Variants in TBRG4 observed in about 807,000 individuals in gnomAD.
TBRG4 encodes the protein FAST kinase domain-containing protein 4.
TBRG4 carries 43 observed loss-of-function variants against 65.6 expected under a neutral mutation model. The ratio of observed to expected loss-of-function variants is 0.66; its 90% CI spans 0.51 to 0.85. The LOEUF is 0.85. Among genes scored for constraint, TBRG4 ranks in the 40% least tolerant of loss-of-function variants. The pLI, the probability that TBRG4 is intolerant of heterozygous loss-of-function variation, is 0.00. For synonymous variants in TBRG4, 366 were observed against 341.4 expected, an observed-to-expected ratio of 1.07 and a Z score of -0.79; for missense variants, 709 against 787.9, an observed-to-expected ratio of 0.90 and a Z score of 1.20.
At chr7:45,106,224 A>AT in intron 2 of TBRG4, 2 of 353,230 alleles carry the variant, frequency 5.7e-6, no homozygotes, top group South Asian at 4.4e-5. Flanking sequence ...GTCATTTGCA[A>AT]TTGCTTGCAA....
At chr7:45,103,238 T>C in intron 6 of TBRG4, 95 bp downstream of exon 6, 1 of 952,872 alleles carries the variant, frequency 1.0e-6, no homozygotes, top group Non-Finnish European at 1.6e-6. Flanking sequence ...CCCTCCCGCC[T>C]CCACCTAGCC....
At chr7:45,101,398 A>G (rs774463164) in intron 9 of TBRG4, 26 bp from the exon 10 acceptor site, 15 of 1,611,908 alleles carry the variant, frequency 9.3e-6, no homozygotes, top group African/African-American at 8.0e-5. Flanking sequence ...GGTGGCTGAC[A>G]TGCTTCCACT....
intron 10 of TBRG4, among the ~76,000 whole-genome samples, chr7:45,100,978 C>T (rs1472595235): frequency 6.6e-6 from 1 of 152,254 alleles, no homozygotes; most frequent in African/African-American, 2.4e-5. Context: ...TCAAGCTGCT[C>T]ATCTGTGAAT....
At position 45,103,412 on chromosome 7, in the gene TBRG4, A is replaced by G. The variant is rs150894684; in HGVS notation, c.1097T>C (p.Leu366Pro). Residue 366 changes from leucine to proline, a missense_variant, in exon 6 of 11, where the codon CTG (leucine) becomes CCG (proline). Transcript: ENST00000258770. ...CAGAAGTACGCTGCACAGGTGGGGC[A>G]GGGTGATGTCCTGCGCTCTGTTCAG... ...HVLNRAQDIT[L>P]PHLCSVLLAF... 4.0e-4 allele frequency: 650 copies of G among 1,613,978 alleles called. No homozygotes were observed. The highest frequency in any genetic ancestry group is 4.9e-4 in the Non-Finnish European group (584 of 1,179,930).
At chr7:45,105,371 T>C in intron 3 of TBRG4, 70 bp downstream of exon 3, 1 of 1,503,478 alleles carries the variant, frequency 6.7e-7, no homozygotes, top group Non-Finnish European at 8.9e-7. Flanking sequence ...TGCAGACAAC[T>C]GTCACCCAAA....
At chr7:45,100,482 T>C (rs1412939635) in intron 10 of TBRG4, 56 bp from the exon 11 acceptor site, 100 of 1,419,632 alleles carry the variant, frequency 7.0e-5, no homozygotes, top group Non-Finnish European at 9.8e-5. Context: ...TTCCAGCCAG[T>C]GGCTCTGCCT....
chr7:45,105,249 A>G, intron 3 of TBRG4, 192 bp downstream of exon 3: 2 of 648,440 alleles, frequency 3.1e-6, no homozygotes, highest in Non-Finnish European at 5.3e-6. Context: ...ATGCAGCCAC[A>G]GGGCAACCAC....
rs1199077984 is a variant in TBRG4 at position 45,105,422 on chromosome 7, C to T, written c.735+19G>A. On this transcript the variant is annotated intron_variant, in intron 3 of 10. Transcript: ENST00000258770. The stretch of plus-strand genomic sequence containing the variant: ...CCAGGGGAGGCAGGCTGGGTGCCAC[C>T]TGCTTTCAGGCCCAGTACCTTGTCT... The T allele has an allele frequency of 6.4e-7, 1 of 1,571,396 alleles. No individual in the cohort carries two copies. Among genetic ancestry groups the T allele is most frequent in the African/African-American group, 1.4e-5 (1 of 73,982 alleles).
chr7:45,105,579 G>C lies in TBRG4; in HGVS notation c.597C>G (p.His199Gln). ...ESCATLSQEQ[H>Q]SQELLAELLT... Reference sequence around the variant, plus strand: ...GCAGCTCAGCCAGCAGCTCCTGCGAGTGCTGCTCCTGTGAGAGGGTGGCAC... The same window carrying C: ...GCAGCTCAGCCAGCAGCTCCTGCGACTGCTGCTCCTGTGAGAGGGTGGCAC... The change falls in exon 3 of 11, where the codon CAC becomes CAG. Residue 199 changes from histidine (H) to glutamine (Q), a missense_variant. By Grantham distance (24) the His-to-Gln change is conservative. Coordinates refer to ENST00000258770, the MANE Select transcript of TBRG4 (RefSeq NM_004749.4). 6.2e-7 allele frequency: 1 copy of C among 1,614,198 alleles called. No homozygotes were observed. The highest frequency in any genetic ancestry group is 1.1e-5 in the South Asian group (1 of 91,088).
Position 45,108,984 on chromosome 7 carries a change from A to G in TBRG4, c.254T>C (p.Leu85Pro). 2 of 1,612,486 alleles carry G rather than the reference A, an allele frequency of 1.2e-6. No individual in the cohort carries two copies. Among genetic ancestry groups the G allele is most frequent in the Non-Finnish European group, 1.7e-6 (2 of 1,179,270 alleles). ...GTGACTGCCACCAAGTAGCTCCAGGAGCTCCTCTGGCCTTGTGGCCTTCTT... is the reference window on the plus strand; with the variant it reads ...GTGACTGCCACCAAGTAGCTCCAGGGGCTCCTCTGGCCTTGTGGCCTTCTT... Reference protein sequence around the residue: ...LIKKATRPEELLELLGGSHDL... With the variant: ...LIKKATRPEEPLELLGGSHDL... The change falls in exon 2 of 11, where the codon CTC becomes CCC. Residue 85 changes from leucine (L) to proline (P), a missense_variant. Leu to Pro is a moderately conservative substitution (Grantham distance 98, BLOSUM62 -3). Coordinates refer to ENST00000258770, the MANE Select transcript of TBRG4 (RefSeq NM_004749.4).
At position 45,100,289 on chromosome 7, in the gene TBRG4, G is replaced by C; in HGVS notation, c.*36C>G. 2 of 1,584,700 alleles carry C rather than the reference G, an allele frequency of 1.3e-6. No individual in the cohort carries two copies. The highest frequency in any genetic ancestry group is 1.1e-5 in the South Asian group (1 of 89,754). ...CTTGGCCGCCCACAGCTAGACCTCC[G>C]GCGGAGAGGCACGCAGTCCATGCTG... is the stretch of plus-strand genomic sequence containing the variant. On this transcript the variant is annotated 3_prime_UTR_variant, in exon 11 of 11. Coordinates refer to ENST00000258770, the MANE Select transcript of TBRG4 (RefSeq NM_004749.4).
At position 45,102,396 on chromosome 7, in the gene TBRG4, T is replaced by C; in HGVS notation, c.1272A>G (p.Glu424=). Residue 424 remains glutamate (E), a synonymous_variant, in exon 7 of 11, where the codon GAA becomes GAG. Coordinates refer to ENST00000258770, the MANE Select transcript of TBRG4 (RefSeq NM_004749.4). The part of the protein sequence containing the change: ...WALCVLQQAR[E]AELQAVLHPE... Reference sequence around the variant, plus strand: ...GGTGGAGGACGGCTTGCAGCTCTGCTTCCCGTGCCTGCTGCAGCACACACA... The same window carrying C: ...GGTGGAGGACGGCTTGCAGCTCTGCCTCCCGTGCCTGCTGCAGCACACACA... 1.9e-6 allele frequency: 3 copies of C among 1,614,074 alleles called. No homozygotes were observed. Among genetic ancestry groups the C allele is most frequent in the Non-Finnish European group, 2.5e-6 (3 of 1,180,022 alleles).
intron 1 of TBRG4, 115 bp downstream of exon 1, chr7:45,111,528 G>T (rs1251707201): frequency 1.7e-6 from 2 of 1,188,770 alleles, no homozygotes; most frequent in Admixed American, 4.8e-5. Context: ...GCATCCCACC[G>T]CGTCCCAGCC....
intron 2 of TBRG4, chr7:45,107,223 C>T (rs574646734): frequency 1.3e-5 from 2 of 152,362 alleles, no homozygotes; most frequent in South Asian, 4.1e-4. Context: ...CCCCATGAGA[C>T]ACCAACATCC....
chr7:45,102,677 AC>A, intron 6 of TBRG4, 186 bp from the exon 7 acceptor site: 1 of 723,260 alleles, frequency 1.4e-6, no homozygotes, highest in Non-Finnish European at 2.2e-6. Flanking sequence ...GCTTGAAGGT[AC>A]CAGGAATCTT....
chr7:45,111,521 T>A (rs117579496), intron 1 of TBRG4, 122 bp downstream of exon 1: 17,129 of 1,152,218 alleles, frequency 0.015, 161 homozygotes, highest in Non-Finnish European at 0.017. Context: ...GCCCACGGCA[T>A]CCCACCGCGT....
In TBRG4 at chr7:45,109,133, G is replaced by A; in HGVS notation, c.105C>T (p.Ala35=). ...TGGCTGAGGAAGTCAGAGTCTTATGGGCTACCCAGGCAAGTCTCAGTCGGC... is the reference window on the plus strand; with the variant it reads ...TGGCTGAGGAAGTCAGAGTCTTATGAGCTACCCAGGCAAGTCTCAGTCGGC... ...PVGRLRLAWV[A]HKTLTSSATS... The change falls in exon 2 of 11, where the codon GCC becomes GCT. Residue 35 remains alanine, a synonymous_variant. Coordinates refer to ENST00000258770, the MANE Select transcript of TBRG4 (RefSeq NM_004749.4). The A allele has an allele frequency of 6.2e-7, 1 of 1,614,200 alleles. No homozygotes were observed. The highest frequency in any genetic ancestry group is 8.5e-7 in the Non-Finnish European group (1 of 1,180,024).
At position 45,103,454 on chromosome 7, in the gene TBRG4, C is replaced by A; in HGVS notation, c.1066-11G>T. 5 of 1,600,146 alleles carry A rather than the reference C, an allele frequency of 3.1e-6. No individual in the cohort carries two copies. The highest frequency in any genetic ancestry group is 4.3e-6 in the Non-Finnish European group (5 of 1,171,084). On this transcript the variant is annotated splice_polypyrimidine_tract_variant and intron_variant, in intron 5 of 10. Transcript: ENST00000258770. ...TCTGTTCAGGACGTGCTGGGTGGGT[C>A]AGAAATAGCAGAGGGACAGAATAAG...
chr7:45,105,239 A>G, intron 3 of TBRG4: 1 of 626,340 alleles, frequency 1.6e-6, no homozygotes, highest in Non-Finnish European at 2.8e-6. Flanking sequence ...TGCTTGATGA[A>G]TGCAGCCACA....
Sources: allele counts gnomAD v4.1 joint callset (sites outside exome capture counted in the v4.1 genomes callset), GRCh38; gene constraint gnomAD v4.1.1; transcripts MANE v1.5; gene names NCBI Gene and HGNC (gene_info 2026-07-23, HGNC 2026-07-21).